Variants in ROCK1 observed in about 807,000 individuals in gnomAD.
ROCK1 encodes the protein rho-associated protein kinase 1.
In ROCK1, 36 loss-of-function variants were observed where a neutral mutation model predicts 196.8. That is an observed-to-expected ratio of 0.18 (90% CI 0.14 to 0.24). The LOEUF (loss-of-function observed/expected upper bound fraction) is 0.24, where lower values mean the gene tolerates loss of function less well. Ranked by LOEUF, ROCK1 falls within the 10% of genes least tolerant of loss-of-function variation. ROCK1 has a pLI of 1.00. For synonymous variants in ROCK1, 443 were observed against 515.9 expected, an observed-to-expected ratio of 0.86 and a Z score of 1.91; for missense variants, 920 against 1,562.0, an observed-to-expected ratio of 0.59 and a Z score of 6.93.
Position 21,073,565 on chromosome 18 carries a change from T to C in ROCK1, c.94-2952A>G, listed in dbSNP as rs150025144. ...TAACACATTATAAGGTATGAGAATT[T>C]AATGGCACTAGGAAAGGACAGTTAC... On this transcript the variant is annotated intron_variant, in intron 1 of 32. Transcript: ENST00000399799. 3.9e-4 allele frequency among the ~76,000 whole-genome samples: 60 copies of C among 152,340 alleles called. 1 individual carries two copies. The East Asian group carries it at 0.011, about 28-fold the overall frequency.
chr18:21,057,769 C>T (rs539731266), intron 2 of ROCK1, among the ~76,000 whole-genome samples: 5 of 151,820 alleles, frequency 3.3e-5, no homozygotes, highest in Admixed American at 6.6e-5. Flanking sequence ...TGCAGTAAGC[C>T]GAGTTTGGGC....
At chr18:21,058,301 GCCTAC>G (rs1180673441) in intron 2 of ROCK1, among the ~76,000 whole-genome samples, 2 of 151,722 alleles carry the variant, frequency 1.3e-5, no homozygotes, top group Non-Finnish European at 2.9e-5. Context: ...GATGTATTTT[GCCTAC>G]CCTAAGATCC....
At chr18:21,090,160 G>T (rs1372951359) in intron 1 of ROCK1, among the ~76,000 whole-genome samples, 1 of 152,148 alleles carries the variant, frequency 6.6e-6, no homozygotes. Context: ...GAAAATACTG[G>T]TTCCTTGAAT....
intron 16 of ROCK1, 119 bp downstream of exon 16, chr18:21,006,232 A>C: frequency 1.3e-6 from 1 of 743,114 alleles, no homozygotes; most frequent in South Asian, 1.9e-5. Context: ...TTATATGATG[A>C]TGGTTGCATA....
intron 1 of ROCK1, among the ~76,000 whole-genome samples, chr18:21,078,919 C>T (rs1476858546): frequency 3.3e-5 from 5 of 152,138 alleles, no homozygotes; most frequent in African/African-American, 1.2e-4. Flanking sequence ...GCTTCTGTAG[C>T]TTTCTTCTAA....
rs1203161480 is a variant in ROCK1, at chr18:20,948,214, A to C, written c.*3170T>G. 6.6e-6 allele frequency: 1 copy of C among 152,246 alleles called. No homozygotes were observed. Among genetic ancestry groups the C allele is most frequent in the African/African-American group, 2.4e-5 (1 of 41,458 alleles). 9.4% of individuals were successfully genotyped at this position (152,246 alleles called of 1,614,324 possible). A position where few individuals can be genotyped will look rare whatever the true frequency, so the allele number is the denominator to read the frequency against. ...ACTTCTACTACAGATATAAAATCTTATTATAAAGTTACAGTAATTAAAAGT... is the reference window on the plus strand; with the variant it reads ...ACTTCTACTACAGATATAAAATCTTCTTATAAAGTTACAGTAATTAAAAGT... On this transcript the variant is annotated 3_prime_UTR_variant, in exon 33 of 33. Coordinates refer to ENST00000399799, the MANE Select transcript of ROCK1 (RefSeq NM_005406.3).
At chr18:21,006,022 A>C (rs536049065) in intron 16 of ROCK1, among the ~76,000 whole-genome samples, 2 of 152,352 alleles carry the variant, frequency 1.3e-5, no homozygotes, top group South Asian at 4.1e-4. Context: ...TATTTTTAAC[A>C]ATTAAAAATA....
intron 18 of ROCK1, 109 bp from the exon 19 acceptor site, chr18:20,987,219 T>C: frequency 1.1e-6 from 1 of 931,224 alleles, no homozygotes; most frequent in Non-Finnish European, 1.6e-6. Flanking sequence ...GTTTTTATTC[T>C]GGGACTTGAA....
intron 1 of ROCK1, among the ~76,000 whole-genome samples, chr18:21,073,378 G>C (rs1474771407): frequency 6.6e-6 from 1 of 152,166 alleles, no homozygotes; most frequent in Non-Finnish European, 1.5e-5. Context: ...GGGGGAAGAG[G>C]AGGTAGAGGT....
chr18:21,011,266 G>A (rs1303998245), intron 13 of ROCK1, among the ~76,000 whole-genome samples: 4 of 152,026 alleles, frequency 2.6e-5, no homozygotes, highest in Admixed American at 2.0e-4. Flanking sequence ...TGGGTTACCT[G>A]AACATTATTT....
chr18:21,009,132 T>A (rs2035793587), intron 13 of ROCK1, among the ~76,000 whole-genome samples: 1 of 151,608 alleles, frequency 6.6e-6, no homozygotes, highest in Admixed American at 6.6e-5. Flanking sequence ...GTTATATAAA[T>A]GGAACCATGC....
chr18:21,047,326 T>C (rs1434491487), intron 4 of ROCK1, among the ~76,000 whole-genome samples: 1 of 152,124 alleles, frequency 6.6e-6, no homozygotes, highest in African/African-American at 2.4e-5. Flanking sequence ...TAGCATCCCC[T>C]GTGTAGAGGC....
At chr18:20,981,286 C>T (rs1484615432) in intron 21 of ROCK1, among the ~76,000 whole-genome samples, 2 of 151,696 alleles carry the variant, frequency 1.3e-5, no homozygotes, top group Admixed American at 6.6e-5. Context: ...TCCAGCTACT[C>T]GGGATGCTGA....
intron 16 of ROCK1, among the ~76,000 whole-genome samples, chr18:20,999,899 T>G (rs2035707948): frequency 2.0e-5 from 3 of 152,214 alleles, no homozygotes; most frequent in South Asian, 4.1e-4. Context: ...ATGCTGAGAT[T>G]ACAGGCTTGA....
Position 21,039,559 on chromosome 18 carries a change from C to T in ROCK1, c.964G>A (p.Val322Met). 1 of 1,609,796 alleles carries T rather than the reference C, an allele frequency of 6.2e-7. No individual in the cohort carries two copies. The highest frequency in any genetic ancestry group is 8.5e-7 in the Non-Finnish European group (1 of 1,176,226). ...TCTACACCATTTCGCCCTAACCTCA[C>T]TTCCCTGAATAATGACAGAAGGAGA... is the stretch of plus-strand genomic sequence containing the variant. Reference protein sequence around the residue: ...LICAFLTDREVRLGRNGVEEI... With the variant: ...LICAFLTDREMRLGRNGVEEI... The change falls in exon 9 of 33, where the codon GTG becomes ATG. Residue 322 changes from valine to methionine, a missense_variant. Val to Met is a conservative substitution (Grantham distance 21). This residue lies in a region of ROCK1 where 234 missense variants were observed against 460.7 expected (regional missense o/e 0.51). Coordinates refer to ENST00000399799, the MANE Select transcript of ROCK1 (RefSeq NM_005406.3).
At chr18:21,086,471 A>T (rs757092985) in intron 1 of ROCK1, among the ~76,000 whole-genome samples, 1 of 152,132 alleles carries the variant, frequency 6.6e-6, no homozygotes, top group Non-Finnish European at 1.5e-5. Flanking sequence ...TATACAAATT[A>T]TCATACAATC....
intron 1 of ROCK1, among the ~76,000 whole-genome samples, chr18:21,075,994 C>CA (rs2036427368): frequency 6.8e-6 from 1 of 146,548 alleles, no homozygotes; most frequent in Non-Finnish European, 1.5e-5. Context: ...GTACACAGAG[C>CA]AAAAATGGTG....
intron 17 of ROCK1, among the ~76,000 whole-genome samples, chr18:20,991,915 G>A (rs979795467): frequency 3.9e-5 from 6 of 151,996 alleles, no homozygotes; most frequent in Admixed American, 3.9e-4. Context: ...TGGGTCTACA[G>A]GCATGAGCCA....
At chr18:20,989,934 T>A (rs910009313) in intron 18 of ROCK1, among the ~76,000 whole-genome samples, 2 of 152,086 alleles carry the variant, frequency 1.3e-5, no homozygotes, top group Non-Finnish European at 2.9e-5. Context: ...AAGAAACTTA[T>A]GACCGATATG....
Sources: gnomAD v4.1 joint callset for allele counts (sites outside exome capture counted in the v4.1 genomes callset) on GRCh38, gnomAD v4.1.1 for gene constraint, gnomAD v4.1.1 regional missense constraint, MANE v1.5 for transcripts, NCBI Gene and HGNC (gene_info 2026-07-23, HGNC 2026-07-21) for gene names.